Variants in SLIT2 observed in about 807,000 individuals in gnomAD.
SLIT2 encodes slit guidance ligand 2.
A neutral mutation model predicts 185.7 loss-of-function variants in SLIT2; 41 were observed. That is an observed-to-expected ratio of 0.22 (90% CI 0.17 to 0.29). The LOEUF is 0.29. Ranked by LOEUF, SLIT2 falls within the 10% of genes least tolerant of loss-of-function variation. The pLI, the probability that SLIT2 is intolerant of heterozygous loss-of-function variation, is 1.00. For missense variants in SLIT2, 1,571 were observed against 1,909.0 expected, an observed-to-expected ratio of 0.82 and a Z score of 3.30; for synonymous variants, 693 against 680.2, an observed-to-expected ratio of 1.02 and a Z score of -0.29.
intron 4 of SLIT2, among the ~76,000 whole-genome samples, chr4:20,347,432 A>G (rs928251199): frequency 5.3e-5 from 8 of 152,142 alleles, no homozygotes; most frequent in African/African-American, 1.2e-4. Flanking sequence ...TCATGAGTCT[A>G]TTGCATGGTG....
chr4:20,291,467 TATATATATATATATATATA>T (rs1715827297), intron 4 of SLIT2, among the ~76,000 whole-genome samples: 1 of 18,836 alleles, frequency 5.3e-5, no homozygotes, highest in Non-Finnish European at 1.0e-4. Context: ...TATATATATA[TATATATATATATATATATA>T]TATATATTTT....
intron 25 of SLIT2, among the ~76,000 whole-genome samples, chr4:20,551,671 T>C (rs1225594243): frequency 1.3e-5 from 2 of 152,166 alleles, no homozygotes; most frequent in African/African-American, 2.4e-5. Flanking sequence ...TCTATTTAAC[T>C]ATGCCTAAAC....
At chr4:20,365,719 A>C (rs79472788) in intron 4 of SLIT2, among the ~76,000 whole-genome samples, 4 of 152,220 alleles carry the variant, frequency 2.6e-5, no homozygotes, top group African/African-American at 9.6e-5. Flanking sequence ...TGTGCCTGCC[A>C]CACTGCTTTT....
chr4:20,475,316 G>GTTT (rs5856561), intron 5 of SLIT2, among the ~76,000 whole-genome samples: 6 of 140,812 alleles, frequency 4.3e-5, no homozygotes, highest in Admixed American at 3.5e-4. Context: ...TGAGGTTTTG[G>GTTT]TTTTTTTTTT....
intron 4 of SLIT2, among the ~76,000 whole-genome samples, chr4:20,467,076 C>T (rs765828131): frequency 1.2e-4 from 19 of 152,058 alleles, no homozygotes; most frequent in Non-Finnish European, 2.4e-4. Context: ...GCTCAGAGTG[C>T]TTTGTTCAGT....
chr4:20,256,685 A>G lies in SLIT2; in HGVS notation c.193A>G (p.Asn65Asp). ...RNTERLDLNGNNITRITKTDF... is the reference protein window; with the variant it reads ...RNTERLDLNGDNITRITKTDF... ...TTTTTCTCTTAGGGATTTAAATGGAAATAACATCACAAGAATTACGAAGAC... is the reference window on the plus strand; with the variant it reads ...TTTTTCTCTTAGGGATTTAAATGGAGATAACATCACAAGAATTACGAAGAC... The change falls in exon 2 of 37, where the codon AAT becomes GAT. Residue 65 changes from asparagine (N) to aspartate (D), a missense_variant. This residue lies in a region of SLIT2 where 1,202 missense variants were observed against 1,416.4 expected (regional missense o/e 0.85). Transcript: ENST00000504154. 1 of 1,567,062 alleles carries G rather than the reference A, an allele frequency of 6.4e-7. No homozygotes were observed. Among genetic ancestry groups the G allele is most frequent in the Non-Finnish European group, 8.7e-7 (1 of 1,144,178 alleles).
chr4:20,608,641 T>C (rs962410764), intron 33 of SLIT2, among the ~76,000 whole-genome samples: 1 of 152,146 alleles, frequency 6.6e-6, no homozygotes, highest in Non-Finnish European at 1.5e-5. Flanking sequence ...TTTTCACAAT[T>C]CTGCAGAGTG....
intron 4 of SLIT2, among the ~76,000 whole-genome samples, chr4:20,437,290 G>A (rs1385269404): frequency 6.6e-6 from 1 of 152,054 alleles, no homozygotes; most frequent in African/African-American, 2.4e-5. Context: ...TCCTTCTCAT[G>A]AATGTCATCC....
At chr4:20,439,869 G>A (rs1038322001) in intron 4 of SLIT2, among the ~76,000 whole-genome samples, 1 of 152,204 alleles carries the variant, frequency 6.6e-6, no homozygotes, top group Non-Finnish European at 1.5e-5. Context: ...TCCTGCCCTT[G>A]AGGAACTCAC....
At chr4:20,352,770 G>T (rs1287313250) in intron 4 of SLIT2, among the ~76,000 whole-genome samples, 3 of 152,116 alleles carry the variant, frequency 2.0e-5, no homozygotes, top group Non-Finnish European at 4.4e-5. Flanking sequence ...AAAATTAGCT[G>T]GGCATGGTGG....
At chr4:20,605,848 GC>G (rs1053475804) in intron 33 of SLIT2, among the ~76,000 whole-genome samples, 2 of 151,752 alleles carry the variant, frequency 1.3e-5, no homozygotes, top group Non-Finnish European at 2.9e-5. Context: ...CCGGGTTCAA[GC>G]AATCCTCATG....
intron 4 of SLIT2, among the ~76,000 whole-genome samples, chr4:20,360,489 G>T (rs1722655786): frequency 1.3e-5 from 2 of 152,014 alleles, no homozygotes; most frequent in African/African-American, 4.8e-5. Context: ...TAGTAAATTA[G>T]TTTTCTTTGT....
chr4:20,584,516 G>A (rs1726885129), intron 29 of SLIT2, among the ~76,000 whole-genome samples: 1 of 152,230 alleles, frequency 6.6e-6, no homozygotes, highest in Admixed American at 6.5e-5. Context: ...CAGGACGGTT[G>A]TACAAGCAAG....
At position 20,510,476 on chromosome 4, in the gene SLIT2, G is replaced by T; in HGVS notation, c.915-19G>T. On this transcript the variant is annotated intron_variant, in intron 9 of 36. Coordinates refer to ENST00000504154, the MANE Select transcript of SLIT2 (RefSeq NM_004787.4). ...AGGTTCACATTTCCATTTAAAAGTT[G>T]AATTTTTTTTCATTGCAGACGTTTG... The T allele has an allele frequency of 6.4e-7, 1 of 1,572,298 alleles. No homozygotes were observed. The highest frequency in any genetic ancestry group is 8.7e-7 in the Non-Finnish European group (1 of 1,143,048).
chr4:20,270,771 A>G (rs1713523839), intron 4 of SLIT2, among the ~76,000 whole-genome samples: 1 of 151,986 alleles, frequency 6.6e-6, no homozygotes, highest in Non-Finnish European at 1.5e-5. Context: ...ATCCCTTTAC[A>G]TGAGATTTGA....
At chr4:20,588,467 G>A (rs1727250149) in intron 29 of SLIT2, among the ~76,000 whole-genome samples, 1 of 152,154 alleles carries the variant, frequency 6.6e-6, no homozygotes, top group African/African-American at 2.4e-5. Context: ...AACCGATGCT[G>A]TTACAAATGA....
At chr4:20,343,506 C>CT (rs377259805) in intron 4 of SLIT2, among the ~76,000 whole-genome samples, 31 of 149,888 alleles carry the variant, frequency 2.1e-4, no homozygotes, top group East Asian at 5.9e-4. Context: ...CTTCATAAAA[C>CT]TTTTTTTTTT....
chr4:20,477,380 G>A (rs1716235454), intron 5 of SLIT2, among the ~76,000 whole-genome samples: 2 of 151,902 alleles, frequency 1.3e-5, no homozygotes, highest in Admixed American at 1.3e-4. Context: ...TGTATTTTTA[G>A]TAGAGATGGG....
intron 4 of SLIT2, among the ~76,000 whole-genome samples, chr4:20,373,724 A>G (rs750839051): frequency 6.6e-6 from 1 of 152,126 alleles, no homozygotes; most frequent in Non-Finnish European, 1.5e-5. Context: ...GACTAAGTGA[A>G]ACCCAATTGC....
Sources: allele counts gnomAD v4.1 joint callset (sites outside exome capture counted in the v4.1 genomes callset), GRCh38; gene constraint gnomAD v4.1.1; regional missense constraint gnomAD v4.1.1; transcripts MANE v1.5; gene names NCBI Gene and HGNC (gene_info 2026-07-23, HGNC 2026-07-21).